Variants in ANK3 observed in about 807,000 individuals in gnomAD.
ANK3 encodes ankyrin-3.
ANK3 carries 57 observed loss-of-function variants against 370.9 expected under a neutral mutation model. The ratio of observed to expected loss-of-function variants is 0.15; its 90% CI spans 0.12 to 0.19. The LOEUF is 0.19. Among genes scored for constraint, ANK3 ranks in the 10% least tolerant of loss-of-function variants. The probability of loss-of-function intolerance (pLI) is 1.00; values close to 1 mark genes in which losing one functional copy is unlikely to be tolerated. For synonymous variants in ANK3, 1,929 were observed against 1,946.3 expected (o/e 0.99, Z 0.23); for missense variants, 4,439 against 5,302.1 (o/e 0.84, Z 5.06).
At chr10:60,166,526 A>G in intron 23 of ANK3, 65 bp downstream of exon 23, 6 of 1,206,310 alleles carry the variant, frequency 5.0e-6, no homozygotes, top group Non-Finnish European at 6.1e-6. Flanking sequence ...TATATTTCAA[A>G]GATAAGAAAT....
intron 2 of ANK3, among the ~76,000 whole-genome samples, chr10:60,552,217 C>A (rs2077103499): frequency 6.6e-6 from 1 of 152,160 alleles, no homozygotes; most frequent in South Asian, 2.1e-4. Context: ...ACATGATATT[C>A]ATATTCATTT....
intron 1 of ANK3, among the ~76,000 whole-genome samples, chr10:60,296,019 A>G (rs1181796080): frequency 6.6e-6 from 1 of 152,172 alleles, no homozygotes; most frequent in East Asian, 1.9e-4. Flanking sequence ...TCATGATACA[A>G]AGGCCTAACA....
intron 2 of ANK3, among the ~76,000 whole-genome samples, chr10:60,478,009 T>C (rs1445326122): frequency 2.0e-5 from 3 of 152,066 alleles, no homozygotes; most frequent in Non-Finnish European, 4.4e-5. Context: ...TCAACTATCA[T>C]TACCCACTAA....
In ANK3 at chr10:60,718,732, T is replaced by G. The variant is rs931986108; in HGVS notation, c.57+14531A>C. Among the ~76,000 whole-genome samples the G allele has an allele frequency of 2.0e-5, 3 of 152,112 alleles. No homozygotes were observed. The East Asian group carries it at 5.8e-4, about 29-fold the overall frequency. ...CCATTTTATTTCACTTAAAAAAATT[T>G]TTTTTATGGCCACCCCATTCAGAGA... On this transcript the variant is annotated intron_variant, in intron 1 of 43. Transcript: ENST00000373827.
intron 1 of ANK3, among the ~76,000 whole-genome samples, chr10:60,281,571 T>C (rs1295523110): frequency 1.3e-5 from 2 of 152,214 alleles, no homozygotes; most frequent in Non-Finnish European, 2.9e-5. Context: ...CCATGTAATA[T>C]TCATCTTACT....
At chr10:60,533,568 C>A (rs1175954140) in intron 2 of ANK3, among the ~76,000 whole-genome samples, 1 of 152,236 alleles carries the variant, frequency 6.6e-6, no homozygotes, top group African/African-American at 2.4e-5. Context: ...CTGGAAAAAG[C>A]AAGTGGAGGT....
intron 1 of ANK3, among the ~76,000 whole-genome samples, chr10:60,281,954 G>C (rs1329282722): frequency 6.6e-6 from 1 of 152,182 alleles, no homozygotes; most frequent in Non-Finnish European, 1.5e-5. Context: ...AAAGTTTCCA[G>C]GGATTTAAAG....
intron 1 of ANK3, among the ~76,000 whole-genome samples, chr10:60,674,959 T>C (rs1235129513): frequency 2.0e-5 from 3 of 152,214 alleles, no homozygotes; most frequent in East Asian, 3.9e-4. Flanking sequence ...ATTTGAGTCC[T>C]GGTATCAGGG....
Position 60,116,274 on chromosome 10 carries a change from T to G in ANK3, c.2842-1943A>C, listed in dbSNP as rs557707490. Among the ~76,000 whole-genome samples, 7 of 152,170 alleles carry G rather than the reference T, an allele frequency of 4.6e-5. No homozygotes were observed. In the South Asian group the frequency reaches 1.5e-3, roughly 32 times the overall value. On this transcript the variant is annotated intron_variant, in intron 25 of 43. Transcript: ENST00000280772. ...TGGGGACAGAGTTCTAGGCAAAAAA[T>G]GGGAAGTCTCTGAGGATTCTGACCT...
At chr10:60,078,520 G>T (rs2084340416) in intron 36 of ANK3, among the ~76,000 whole-genome samples, 1 of 152,138 alleles carries the variant, frequency 6.6e-6, no homozygotes, top group African/African-American at 2.4e-5. Flanking sequence ...TACCACTGAA[G>T]GCTGGCTCTA....
intron 8 of ANK3, among the ~76,000 whole-genome samples, chr10:60,218,102 T>C (rs1272452959): frequency 4.4e-3 from 424 of 96,470 alleles, no homozygotes; most frequent in Non-Finnish European, 6.0e-3. Flanking sequence ...TCTTTCTTTT[T>C]TTTTTTTTTT....
In ANK3 at chr10:60,071,150, G is replaced by A; in HGVS notation, c.9731C>T (p.Pro3244Leu). 1 of 1,614,066 alleles carries A rather than the reference G, an allele frequency of 6.2e-7. No homozygotes were observed. The highest frequency in any genetic ancestry group is 8.5e-7 in the Non-Finnish European group (1 of 1,179,988). Residue 3244 changes from proline to leucine, a missense_variant, in exon 37 of 44, where the codon CCC (proline) becomes CTC (leucine). Physicochemically the swap from Pro to Leu is moderately conservative, Grantham distance 98. Transcript: ENST00000280772. ...AATATAGGCAACTCTGTTATTTTTGGGTCTTTGGTTAGAGTCTTTGCTCAC... is the reference window on the plus strand; with the variant it reads ...AATATAGGCAACTCTGTTATTTTTGAGTCTTTGGTTAGAGTCTTTGCTCAC... ...NDVSKDSNQR[P>L]KNNRVAYIEF...
chr10:60,619,377 T>C (rs186345081), intron 1 of ANK3, among the ~76,000 whole-genome samples: 1 of 152,088 alleles, frequency 6.6e-6, no homozygotes, highest in African/African-American at 2.4e-5. Context: ...CAGGTCAAAA[T>C]CATATGCTAT....
chr10:60,291,099 T>A (rs1345890699), intron 1 of ANK3, among the ~76,000 whole-genome samples: 1 of 151,872 alleles, frequency 6.6e-6, no homozygotes, highest in Non-Finnish European at 1.5e-5. Flanking sequence ...AGAAAAAAAA[T>A]TTTCCCATGG....
intron 18 of ANK3, among the ~76,000 whole-genome samples, chr10:60,176,534 G>A (rs973256175): frequency 2.6e-5 from 4 of 152,102 alleles, no homozygotes; most frequent in African/African-American, 4.8e-5. Flanking sequence ...GGCCGAGGCC[G>A]GCGGATCACC....
intron 4 of ANK3, among the ~76,000 whole-genome samples, chr10:60,271,585 C>T (rs768044120): frequency 1.6e-4 from 24 of 152,106 alleles, no homozygotes; most frequent in Middle Eastern, 3.4e-3. Context: ...GTATACATTA[C>T]GCAATTTCAA....
intron 1 of ANK3, among the ~76,000 whole-genome samples, chr10:60,348,347 CAAA>C (rs35147179): frequency 0.29 from 19,801 of 68,224 alleles, 2,107 homozygotes; most frequent in South Asian, 0.37. Flanking sequence ...TATCACTAGC[CAAA>C]AAAAAAAAAA....
In ANK3 at chr10:60,074,775, A is replaced by G. The variant is rs555434342; in HGVS notation, c.6106T>C (p.Tyr2036His). The G allele has an allele frequency of 3.1e-5, 50 of 1,614,124 alleles. No homozygotes were observed. The South Asian group carries it at 5.2e-4, about 17-fold the overall frequency. ...KDYNLTKVID[Y>H]LTNDIGSSSL... is the part of the protein sequence containing the mutation. ...CTACTCCCAATATCATTTGTTAGGT[A>G]ATCAATAACTTTGGTCAAGTTATAA... is the stretch of plus-strand genomic sequence containing the variant. Residue 2036 changes from tyrosine to histidine, a missense_variant, in exon 37 of 44, where the codon TAC (tyrosine) becomes CAC (histidine). Coordinates refer to ENST00000280772, the MANE Select transcript of ANK3 (RefSeq NM_020987.5).
At chr10:60,488,598 T>C (rs1341200912) in intron 2 of ANK3, among the ~76,000 whole-genome samples, 4 of 152,190 alleles carry the variant, frequency 2.6e-5, no homozygotes, top group Non-Finnish European at 4.4e-5. Context: ...CTCCCAACCA[T>C]GAACCTGCTT....
Sources: allele counts gnomAD v4.1 joint callset (sites outside exome capture counted in the v4.1 genomes callset), GRCh38; gene constraint gnomAD v4.1.1; transcripts MANE v1.5; gene names NCBI Gene and HGNC (gene_info 2026-07-23, HGNC 2026-07-21).